PACRGL: variants seen among roughly 807,000 people sequenced by gnomAD.
PACRGL encodes PACRG-like protein.
In PACRGL, 38 loss-of-function variants were observed where a neutral mutation model predicts 34.5. The observed-to-expected ratio is 1.10, with a 90% CI of 0.85 to 1.44. The LOEUF is 1.44. Ranked by LOEUF, PACRGL falls within the 40% of genes most tolerant of loss-of-function variation. The pLI is 0.00. For missense variants in PACRGL, 305 were observed against 281.4 expected (o/e 1.08, Z -0.60); for synonymous variants, 128 against 100.1 (o/e 1.28, Z -1.66).
chr4:20,698,942 T>C (rs1731400424), upstream of PACRGL, among the ~76,000 whole-genome samples: 2 of 152,196 alleles, frequency 1.3e-5, no homozygotes, highest in Non-Finnish European at 2.9e-5. Context: ...GAAGAGGAAA[T>C]TGAGGCTTGT....
intron 3 of PACRGL, among the ~76,000 whole-genome samples, chr4:20,707,169 T>C (rs1447391805): frequency 6.6e-6 from 1 of 152,248 alleles, no homozygotes; most frequent in Non-Finnish European, 1.5e-5. Context: ...ATCAATTATA[T>C]TGAAATTATT....
chr4:20,746,283 A>G (rs941838344), intron 8 of PACRGL, among the ~76,000 whole-genome samples: 4 of 152,124 alleles, frequency 2.6e-5, no homozygotes, highest in African/African-American at 7.2e-5. Flanking sequence ...CAGTAAACCA[A>G]ACATTGCATG....
chr4:20,758,437 A>G, the PACRGL span, among the ~76,000 whole-genome samples: 1 of 152,154 alleles, frequency 6.6e-6, no homozygotes, highest in Non-Finnish European at 1.5e-5. Context: ...CCCAGATTTC[A>G]TATCTATAAA....
In PACRGL at chr4:20,730,263, T is replaced by A. The variant is rs1747695793; in HGVS notation, c.*2922T>A. Reference sequence around the variant, plus strand: ...GCCAAAAGCTCAAATATTAAGTGTTTGCAAATGTAAATGCCATTCTATTCT... The same window carrying A: ...GCCAAAAGCTCAAATATTAAGTGTTAGCAAATGTAAATGCCATTCTATTCT... On this transcript the variant is annotated 3_prime_UTR_variant, in exon 9 of 9. Transcript: ENST00000503585. 1 of 1,136,646 alleles carries A rather than the reference T, an allele frequency of 8.8e-7. No homozygotes were observed. The highest frequency in any genetic ancestry group is 1.6e-5 in the African/African-American group (1 of 63,228). The allele number at this position is 1,136,646 out of a possible 1,614,324, so 70.4% of individuals were successfully genotyped here.
chr4:20,716,183 G>C, intron 7 of PACRGL: 1 of 1,177,900 alleles, frequency 8.5e-7, no homozygotes, highest in South Asian at 1.3e-5. Context: ...TGGAACTCAG[G>C]AAAGCTGTTA....
chr4:20,739,750 G>A (rs927201795), intron 8 of PACRGL, among the ~76,000 whole-genome samples: 1 of 152,216 alleles, frequency 6.6e-6, no homozygotes, highest in Admixed American at 6.5e-5. Flanking sequence ...ACTTTGATGA[G>A]CTGACAGAAG....
chr4:20,730,388 T>C lies in PACRGL; in HGVS notation c.*3047T>C, dbSNP rs887588739. ...ACTTTATTTAAATCTTTACTTGGTA[T>C]TAATAGAGGATATTTCTCAAATCAT... On this transcript the variant is annotated 3_prime_UTR_variant, in exon 9 of 9. Transcript: ENST00000503585. Among the ~76,000 whole-genome samples the C allele has an allele frequency of 1.3e-5, 2 of 152,168 alleles. No homozygotes were observed. The highest frequency in any genetic ancestry group is 1.3e-4 in the Admixed American group (2 of 15,270).
chr4:20,704,798 C>A lies in PACRGL; in HGVS notation c.191C>A (p.Pro64His). 1 of 1,614,020 alleles carries A rather than the reference C, an allele frequency of 6.2e-7. No homozygotes were observed. The highest frequency in any genetic ancestry group is 8.5e-7 in the Non-Finnish European group (1 of 1,179,952). The change falls in exon 3 of 9, where the codon CCT (proline) becomes CAT (histidine). Residue 64 changes from proline to histidine, a missense_variant. Coordinates refer to ENST00000503585, the MANE Select transcript of PACRGL (RefSeq NM_001258345.3). ...LHPRPSDKLN[P>H]KTINPFGEQS... is the part of the protein sequence containing the mutation. ...CCTAGACCAAGTGATAAACTGAACC[C>A]TAAAACAATTAATCCGGTAGGTCCA...
intron 7 of PACRGL, among the ~76,000 whole-genome samples, chr4:20,715,774 A>T (rs2149122565): frequency 6.6e-6 from 1 of 152,222 alleles, no homozygotes; most frequent in Non-Finnish European, 1.5e-5. Flanking sequence ...CTGAGACAGG[A>T]GAATTGCTTG....
downstream of PACRGL, among the ~76,000 whole-genome samples, chr4:20,757,278 T>C (rs1204684422): frequency 1.3e-5 from 2 of 152,180 alleles, no homozygotes; most frequent in African/African-American, 2.4e-5. Flanking sequence ...CATATACTTA[T>C]TTAAAGACCT....
intron 8 of PACRGL, among the ~76,000 whole-genome samples, chr4:20,741,111 CAAT>C (rs1186222659): frequency 6.6e-6 from 1 of 152,124 alleles, no homozygotes; most frequent in Admixed American, 6.5e-5. Context: ...GACTCCCACA[CAAT>C]AATAATGGGA....
chr4:20,727,273 T>A lies in PACRGL; in HGVS notation c.691-12T>A. 1 of 1,603,892 alleles carries A rather than the reference T, an allele frequency of 6.2e-7. No individual in the cohort carries two copies. The highest frequency in any genetic ancestry group is 1.7e-4 in the Middle Eastern group (1 of 6,034). ...ATGATACTAATGATGCTCAATTTTT[T>A]TCTGTTGACAGGGGAGCCTTAGCAT... On this transcript the variant is annotated splice_polypyrimidine_tract_variant and intron_variant, in intron 8 of 8. Coordinates refer to ENST00000503585, the MANE Select transcript of PACRGL (RefSeq NM_001258345.3).
downstream of PACRGL, among the ~76,000 whole-genome samples, chr4:20,756,495 A>C (rs1367501171): frequency 6.6e-6 from 1 of 152,166 alleles, no homozygotes; most frequent in Non-Finnish European, 1.5e-5. Flanking sequence ...TAAAAGATAA[A>C]GTCTTCCACT....
At chr4:20,739,704 C>T (rs145618570) in intron 8 of PACRGL, among the ~76,000 whole-genome samples, 3,397 of 152,242 alleles carry the variant, frequency 0.022, 129 homozygotes, top group African/African-American at 0.078. Flanking sequence ...GAACGCACCT[C>T]CTCGCCAGCA....
intron 3 of PACRGL, among the ~76,000 whole-genome samples, chr4:20,705,147 G>A (rs182728111): frequency 7.2e-4 from 108 of 149,072 alleles, no homozygotes; most frequent in African/African-American, 2.5e-3. Flanking sequence ...AATGCTTTTC[G>A]TGCTTCTATA....
At chr4:20,757,731 G>A (rs138110473), downstream of PACRGL, among the ~76,000 whole-genome samples, 484 of 152,252 alleles carry the variant, frequency 3.2e-3, 1 homozygote, top group Middle Eastern at 0.017. Flanking sequence ...TTTGGAAATG[G>A]ATCAAACTCT....
rs1453348127 is a variant in PACRGL, at chr4:20,730,165, A to G, written c.*2824A>G. ...GAAACACAGAGCGATTAAATTCAGC[A>G]TATCTGCAAGGAAAAGTACACTATT... On this transcript the variant is annotated 3_prime_UTR_variant, in exon 9 of 9. Coordinates refer to ENST00000503585, the MANE Select transcript of PACRGL (RefSeq NM_001258345.3). 2.5e-6 allele frequency: 4 copies of G among 1,585,746 alleles called. No homozygotes were observed. The African/African-American group carries it at 5.4e-5, about 21-fold the overall frequency.
chr4:20,715,296 A>G (rs1404134576), intron 7 of PACRGL, among the ~76,000 whole-genome samples: 1 of 152,056 alleles, frequency 6.6e-6, no homozygotes, highest in African/African-American at 2.4e-5. Flanking sequence ...GTGGGGAGGG[A>G]TAGCATTAGG....
In PACRGL at chr4:20,737,561, C is replaced by T. The variant is rs528705510; in HGVS notation, c.*56+10164C>T. ...AAGAACATGGTGTGGATGCCAGCAG[C>T]TGCTTTGCAGGTGGGAAGATGACTG... On this transcript the variant is annotated intron_variant, in intron 8 of 8. Transcript: ENST00000507634. 1.3e-4 allele frequency among the ~76,000 whole-genome samples: 20 copies of T among 152,272 alleles called. No individual in the cohort carries two copies. The South Asian group carries it at 4.1e-3, about 32-fold the overall frequency.
Sources: gnomAD v4.1 joint callset for allele counts (sites outside exome capture counted in the v4.1 genomes callset) on GRCh38, gnomAD v4.1.1 for gene constraint, MANE v1.5 for transcripts, NCBI Gene and HGNC (gene_info 2026-07-23, HGNC 2026-07-21) for gene names.